EFNB1: variants seen among roughly 807,000 people sequenced by gnomAD.
The protein encoded by EFNB1 is ephrin-B1.
In EFNB1, 1 loss-of-function variant was observed where a neutral mutation model predicts 18.1. The ratio of observed to expected loss-of-function variants is 0.06; its 90% CI spans 0.02 to 0.26. EFNB1 has a LOEUF of 0.26. Ranked by LOEUF, EFNB1 falls within the 10% of genes least tolerant of loss-of-function variation. The probability of loss-of-function intolerance (pLI) is 1.00; values close to 1 mark genes in which losing one functional copy is unlikely to be tolerated. For synonymous variants in EFNB1, 131 were observed against 127.5 expected (o/e 1.03, Z -0.19); for missense variants, 221 against 301.8 (o/e 0.73, Z 1.98).
intron 1 of EFNB1, among the ~76,000 whole-genome samples, chrX:68,835,295 T>G (rs1016685320): frequency 9.0e-6 from 1 of 111,111 alleles, no homozygotes; most frequent in Admixed American, 9.4e-5. Context: ...AATCCCTTTA[T>G]TTTTCAGAAA....
At chrX:68,834,380 C>T (rs1405433938) in intron 1 of EFNB1, among the ~76,000 whole-genome samples, 1 of 112,396 alleles carries the variant, frequency 8.9e-6, no homozygotes, top group African/African-American at 3.2e-5. Flanking sequence ...CGAGCCTTAG[C>T]CAGGTGGGGC....
Position 68,829,834 on chromosome X carries a change from G to T in EFNB1, c.58G>T (p.Ala20Ser), listed in dbSNP as rs763647626. ...GTGGCTTGTGGCGATGGTCGTGTGGGCGCTGTGCCGGCTCGCCACACCGCT... is the reference window on the plus strand; with the variant it reads ...GTGGCTTGTGGCGATGGTCGTGTGGTCGCTGTGCCGGCTCGCCACACCGCT... ...GKWLVAMVVWALCRLATPLAK... is the reference protein window; with the variant it reads ...GKWLVAMVVWSLCRLATPLAK... The change falls in exon 1 of 5, where the codon GCG becomes TCG. Residue 20 changes from alanine to serine, a missense_variant. Coordinates refer to ENST00000204961, the MANE Select transcript of EFNB1 (RefSeq NM_004429.5). 1 of 1,179,206 alleles carries T rather than the reference G, an allele frequency of 8.5e-7. No individual in the cohort carries two copies. The highest frequency in any genetic ancestry group is 1.1e-6 in the Non-Finnish European group (1 of 879,170).
At chrX:68,830,511 G>A (rs1408637797) in intron 1 of EFNB1, among the ~76,000 whole-genome samples, 1 of 113,182 alleles carries the variant, frequency 8.8e-6, no homozygotes, top group African/African-American at 3.2e-5. Context: ...CCCTGCCGGA[G>A]CGGTAGAAAG....
At chrX:68,838,164 TGTGTGTGTGCGCGC>T (rs751309375) in intron 1 of EFNB1, among the ~76,000 whole-genome samples, 2,960 of 46,782 alleles carry the variant, frequency 0.063, 39 homozygotes, top group Non-Finnish European at 0.078. Flanking sequence ...TGTGTGTGTG[TGTGTGTGTGCGCGC>T]GCGCGCGCGC....
At position 68,832,020 on chromosome X, in the gene EFNB1, C is replaced by A. The variant is rs759966059; in HGVS notation, c.128+2116C>A. On this transcript the variant is annotated intron_variant, in intron 1 of 4. Coordinates refer to ENST00000204961, the MANE Select transcript of EFNB1 (RefSeq NM_004429.5). Reference sequence around the variant, plus strand: ...GGCTCAGGGGTCTGGAATGCAGCCACTGTCTACATGTGTTGGCTCGGGGTG... The same window carrying A: ...GGCTCAGGGGTCTGGAATGCAGCCAATGTCTACATGTGTTGGCTCGGGGTG... Among the ~76,000 whole-genome samples, 12 of 111,048 alleles carry A rather than the reference C, an allele frequency of 1.1e-4. No individual in the cohort carries two copies. In the South Asian group the frequency reaches 4.7e-3, roughly 43 times the overall value.
chrX:68,829,223 A>C lies in EFNB1; in HGVS notation c.-554A>C. On this transcript the variant is annotated 5_prime_UTR_variant, in exon 1 of 5. Transcript: ENST00000204961. ...GTACACTGAGCAGGGCCCGCGCTGA[A>C]GTAGAAGCTGTCCGGGGGCGCGTAG... 1 of 141,913 alleles carries C rather than the reference A, an allele frequency of 7.0e-6. No homozygotes were observed. The highest frequency in any genetic ancestry group is 1.4e-5 in the Non-Finnish European group (1 of 72,346). The allele number at this position is 141,913 out of a possible 1,213,427, so 11.7% of individuals were successfully genotyped here.
At chrX:68,833,027 G>A (rs2080451032) in intron 1 of EFNB1, among the ~76,000 whole-genome samples, 1 of 110,211 alleles carries the variant, frequency 9.1e-6, no homozygotes, top group African/African-American at 3.3e-5. Flanking sequence ...CCACCTCCAG[G>A]GAGTCAGAAT....
chrX:68,829,973 G>C, intron 1 of EFNB1, 69 bp downstream of exon 1: 2 of 1,146,209 alleles, frequency 1.7e-6, no homozygotes, highest in Non-Finnish European at 2.3e-6. Flanking sequence ...GCACGCCCCG[G>C]AGTGCATGTG....
chrX:68,838,357 C>G (rs1056906672), intron 1 of EFNB1, among the ~76,000 whole-genome samples: 36 of 111,763 alleles, frequency 3.2e-4, no homozygotes, highest in African/African-American at 1.1e-3. Context: ...GGACAAAGGG[C>G]TCCCCCAGCC....
chrX:68,839,210 C>T (rs2080470254), intron 2 of EFNB1, among the ~76,000 whole-genome samples: 2 of 112,536 alleles, frequency 1.8e-5, no homozygotes, highest in African/African-American at 6.5e-5. Context: ...CCTTTGGGAT[C>T]AGCCAGCTAT....
rs1195726156 is a variant in EFNB1, at chrX:68,838,720, C to G, written c.232C>G (p.Leu78Val). The G allele has an allele frequency of 8.3e-7, 1 of 1,211,568 alleles. No homozygotes were observed. ...EAGRPYEYYKLYLVRPEQAAA... is the reference protein window; with the variant it reads ...EAGRPYEYYKVYLVRPEQAAA... Reference sequence around the variant, plus strand: ...AGGGCGGCCCTATGAGTACTACAAGCTGTACCTGGTGCGGCCTGAGCAGGC... The same window carrying G: ...AGGGCGGCCCTATGAGTACTACAAGGTGTACCTGGTGCGGCCTGAGCAGGC... The change falls in exon 2 of 5, where the codon CTG becomes GTG. Residue 78 changes from leucine to valine, a missense_variant. By Grantham distance (32) the Leu-to-Val change is conservative. Transcript: ENST00000204961.
rs1313703359 is a variant in EFNB1 at position 68,842,068 on chromosome X, G to A, written c.*1414G>A. On this transcript the variant is annotated 3_prime_UTR_variant, in exon 5 of 5. Transcript: ENST00000204961. ...CTAGTCTTTTTGGAAAAAAAATAAT[G>A]TAAAGATGTTTTGTATAAACTCTGA... 1 of 112,145 alleles carries A rather than the reference G, an allele frequency of 8.9e-6. No homozygotes were observed. Among genetic ancestry groups the A allele is most frequent in the Non-Finnish European group, 1.9e-5 (1 of 53,107 alleles). The allele number at this position is 112,145 out of a possible 1,213,427, so 9.2% of individuals were successfully genotyped here.
chrX:68,833,711 GATCA>G (rs927978730), intron 1 of EFNB1, among the ~76,000 whole-genome samples: 8 of 112,295 alleles, frequency 7.1e-5, no homozygotes, highest in African/African-American at 2.3e-4. Flanking sequence ...CGTGTTTCAC[GATCA>G]TTGTTTTGGG....
Position 68,840,771 on chromosome X carries a change from T to A in EFNB1, c.*117T>A. The stretch of plus-strand genomic sequence containing the variant: ...CCCACCTTTGTATTTAGTTTTGTAG[T>A]TTCTTGGCTTTTATAATCCCCCTTT... On this transcript the variant is annotated 3_prime_UTR_variant, in exon 5 of 5. Coordinates refer to ENST00000204961, the MANE Select transcript of EFNB1 (RefSeq NM_004429.5). The A allele has an allele frequency of 1.2e-6, 1 of 867,305 alleles. No individual in the cohort carries two copies. The highest frequency in any genetic ancestry group is 1.6e-6 in the Non-Finnish European group (1 of 615,545). The allele number at this position is 867,305 out of a possible 1,213,427, so 71.5% of individuals were successfully genotyped here. A position where few individuals can be genotyped will look rare whatever the true frequency, so the allele number is the denominator to read the frequency against.
Position 68,838,617 on chromosome X carries a change from G to C in EFNB1, c.129G>C (p.Lys43Asn). ...EPVSWSSLNP[K>N]FLSGKGLVIY... Reference sequence around the variant, plus strand: ...TGACCATCTTCTTCCTTCTGGGCAGGTTCCTGAGTGGGAAGGGCTTGGTGA... The same window carrying C: ...TGACCATCTTCTTCCTTCTGGGCAGCTTCCTGAGTGGGAAGGGCTTGGTGA... The change falls in exon 2 of 5, where the codon AAG becomes AAC. Residue 43 changes from lysine to asparagine, a missense_variant and splice_region_variant. Transcript: ENST00000204961. 5.8e-6 allele frequency: 7 copies of C among 1,211,863 alleles called. No homozygotes were observed. The highest frequency in any genetic ancestry group is 7.8e-6 in the Non-Finnish European group (7 of 895,526).
rs752991896 is a variant in EFNB1 at position 68,840,375 on chromosome X, C to G, written c.762C>G (p.Ile254Met). 2.5e-6 allele frequency: 3 copies of G among 1,210,428 alleles called. No individual in the cohort carries two copies. The highest frequency in any genetic ancestry group is 3.5e-5 in the African/African-American group (2 of 57,292). ...CCGGTTGCGTCATCTTCCTGCTCAT[C>G]ATCATCTTCCTGACGGTCCTACTAC... is the stretch of plus-strand genomic sequence containing the variant. The part of the protein sequence containing the change: ...VGAGCVIFLL[I>M]IIFLTVLLLK... The change falls in exon 5 of 5, where the codon ATC becomes ATG. Residue 254 changes from isoleucine to methionine, a missense_variant. Physicochemically the swap from Ile to Met is conservative, Grantham distance 10. Transcript: ENST00000204961.
Position 68,830,224 on chromosome X carries a change from G to A in EFNB1, c.128+320G>A, listed in dbSNP as rs1331484090. Among the ~76,000 whole-genome samples, 4 of 111,786 alleles carry A rather than the reference G, an allele frequency of 3.6e-5. No individual in the cohort carries two copies. The Admixed American group carries it at 3.7e-4, about 10-fold the overall frequency. The stretch of plus-strand genomic sequence containing the variant: ...GCGCACCGGAGAACTGAGTGGAGGC[G>A]AGAACGCAGCTCCCTCCGGGGCCCC... On this transcript the variant is annotated intron_variant, in intron 1 of 4. Coordinates refer to ENST00000204961, the MANE Select transcript of EFNB1 (RefSeq NM_004429.5).
intron 1 of EFNB1, among the ~76,000 whole-genome samples, 178 bp downstream of exon 1, chrX:68,830,082 G>C (rs939888779): frequency 2.7e-5 from 3 of 111,335 alleles, no homozygotes; most frequent in African/African-American, 9.8e-5. Flanking sequence ...GGCGGGGTGG[G>C]GTAGGGGCAC....
rs1037110107 is a variant in EFNB1 at position 68,829,739 on chromosome X, C to T, written c.-38C>T. ...GGCGAGGCGAGCTTTGGTGAGGAGG[C>T]GCCAAGGGATCCCGAAGTGCAGTCT... On this transcript the variant is annotated 5_prime_UTR_variant, in exon 1 of 5. Coordinates refer to ENST00000204961, the MANE Select transcript of EFNB1 (RefSeq NM_004429.5). 55 of 1,173,530 alleles carry T rather than the reference C, an allele frequency of 4.7e-5. No homozygotes were observed. Among genetic ancestry groups the T allele is most frequent in the Non-Finnish European group, 6.2e-5 (54 of 876,905 alleles).
Sources: gnomAD v4.1 joint callset for allele counts (sites outside exome capture counted in the v4.1 genomes callset) on GRCh38, gnomAD v4.1.1 for gene constraint, MANE v1.5 for transcripts, NCBI Gene and HGNC (gene_info 2026-07-23, HGNC 2026-07-21) for gene names.